The following CNTNAP1 variants were observed in gnomAD, a reference collection of about 807,000 sequenced individuals.
CNTNAP1 encodes contactin-associated protein 1.
Under a neutral mutation model 161.5 loss-of-function variants are expected in CNTNAP1, and 80 were observed. The ratio of observed to expected loss-of-function variants is 0.50; its 90% CI spans 0.41 to 0.60. CNTNAP1 has a LOEUF of 0.60. CNTNAP1 is among the 20% of genes least tolerant of loss of function. The pLI, the probability that CNTNAP1 is intolerant of heterozygous loss-of-function variation, is 0.00. For synonymous variants in CNTNAP1, 695 were observed against 733.1 expected (o/e 0.95, Z 0.84); for missense variants, 1,464 against 1,854.8 (o/e 0.79, Z 3.87).
intron 20 of CNTNAP1, among the ~76,000 whole-genome samples, 172 bp downstream of exon 20, chr17:42,696,324 A>AT (rs36083265): frequency 7.1e-5 from 9 of 127,582 alleles, no homozygotes; most frequent in East Asian, 2.3e-4. Flanking sequence ...GACAATAGGC[A>AT]TTTTTTTTTT....
rs768724234 is a variant in CNTNAP1, at chr17:42,687,717, T to C, written c.1045-3T>C. ...GTTGATGCGTCTTCACTTTTGCCCC[T>C]AGGGTAAGGTGGCTTTTCGTTGCCT... On this transcript the variant is annotated splice_region_variant and splice_polypyrimidine_tract_variant and intron_variant, in intron 7 of 23. Transcript: ENST00000264638. The surrounding 1 kb of genome is among the most constrained non-coding windows in gnomAD (Gnocchi z 4.7). The C allele has an allele frequency of 5.6e-6, 9 of 1,613,602 alleles. No individual in the cohort carries two copies. The highest frequency in any genetic ancestry group is 7.6e-6 in the Non-Finnish European group (9 of 1,179,714).
At position 42,687,259 on chromosome 17, in the gene CNTNAP1, T is replaced by A; in HGVS notation, c.1044+213T>A. The A allele has an allele frequency of 1.7e-6, 1 of 600,432 alleles. No individual in the cohort carries two copies. The highest frequency in any genetic ancestry group is 2.8e-6 in the Non-Finnish European group (1 of 351,772). 37.2% of individuals were successfully genotyped at this position (600,432 alleles called of 1,614,324 possible). A position where few individuals can be genotyped will look rare whatever the true frequency, so the allele number is the denominator to read the frequency against. ...AAGCAGTGGTCGGGTCCAATCACCT[T>A]CTTAGTTCATAGATGAAGAAAGTAA... On this transcript the variant is annotated intron_variant, in intron 7 of 23. Coordinates refer to ENST00000264638, the MANE Select transcript of CNTNAP1 (RefSeq NM_003632.3). The surrounding 1 kb of genome is among the most constrained non-coding windows in gnomAD (Gnocchi z 4.7).
In CNTNAP1 at chr17:42,687,072, G is replaced by C. The variant is rs1156468349; in HGVS notation, c.1044+26G>C. 1 of 1,600,800 alleles carries C rather than the reference G, an allele frequency of 6.2e-7. No individual in the cohort carries two copies. Among genetic ancestry groups the C allele is most frequent in the Non-Finnish European group, 8.5e-7 (1 of 1,169,816 alleles). ...GCCAGTGGGCAGGGGGGTCTGGGAG[G>C]ACAGGATATCAAAGCGTCGTGGAAA... is the stretch of plus-strand genomic sequence containing the variant. On this transcript the variant is annotated intron_variant, in intron 7 of 23. Transcript: ENST00000264638. The surrounding 1 kb of genome is among the most constrained non-coding windows in gnomAD (Gnocchi z 4.7).
rs1298303462 is a variant in CNTNAP1, at chr17:42,685,006, G to A, written c.379G>A (p.Val127Met). The change falls in exon 4 of 24, where the codon GTG (valine) becomes ATG (methionine). Residue 127 changes from valine to methionine, a missense_variant. Physicochemically the swap from Val to Met is conservative, Grantham distance 21. This residue lies in a region of CNTNAP1 where 1,383 missense variants were observed against 1,765.0 expected (regional missense o/e 0.78). Coordinates refer to ENST00000264638, the MANE Select transcript of CNTNAP1 (RefSeq NM_003632.3). This position sits in a 1 kb window ranked among gnomAD's most constrained non-coding sequence, Gnocchi z 5.0. Reference sequence around the variant, plus strand: ...ACCCCCGCAGACCTTCTTTGGTAACGTGAACGAGTCGGCGGTGGTGCGCCA... The same window carrying A: ...ACCCCCGCAGACCTTCTTTGGTAACATGAACGAGTCGGCGGTGGTGCGCCA... ...RGHNSTFFGN[V>M]NESAVVRHDL... 3.1e-6 allele frequency: 5 copies of A among 1,606,784 alleles called. No homozygotes were observed. Among genetic ancestry groups the A allele is most frequent in the Non-Finnish European group, 3.4e-6 (4 of 1,178,068 alleles).
At position 42,696,033 on chromosome 17, in the gene CNTNAP1, CA is replaced by C; in HGVS notation, c.3356del (p.Gln1119ArgfsTer15). 1 of 1,614,128 alleles carries C rather than the reference CA, an allele frequency of 6.2e-7. No individual in the cohort carries two copies. Among genetic ancestry groups the C allele is most frequent in the Non-Finnish European group, 8.5e-7 (1 of 1,180,014 alleles). On this transcript the variant is annotated frameshift_variant, in exon 20 of 24. Transcript: ENST00000264638. LOFTEE classifies it high-confidence loss of function. ...TTCTCCCCACCCCACAGGGACCCTT[CA>C]GCTGCGATATCAGCTGGGCACCAGT... is the stretch of plus-strand genomic sequence containing the variant. ...AVLIKDDGTL[Q>X]LRYQLGTSPY...
Position 42,687,588 on chromosome 17 carries a change from G to A in CNTNAP1, c.1045-132G>A. On this transcript the variant is annotated intron_variant, in intron 7 of 23. Coordinates refer to ENST00000264638, the MANE Select transcript of CNTNAP1 (RefSeq NM_003632.3). The surrounding 1 kb of genome is among the most constrained non-coding windows in gnomAD (Gnocchi z 4.7). ...CTTGGAGGGGAAGAGGTCACGTCAT[G>A]GTTGGAGATCTCACCCCCGCCAACA... is the stretch of plus-strand genomic sequence containing the variant. The A allele has an allele frequency of 8.2e-7, 1 of 1,220,634 alleles. No homozygotes were observed. The highest frequency in any genetic ancestry group is 1.2e-6 in the Non-Finnish European group (1 of 862,882). The allele number at this position is 1,220,634 out of a possible 1,614,324, so 75.6% of individuals were successfully genotyped here.
chr17:42,683,721 T>TG (rs2052967760), intron 1 of CNTNAP1, 100 bp from the exon 2 acceptor site: 106 of 1,203,540 alleles, frequency 8.8e-5, no homozygotes, highest in Middle Eastern at 2.2e-4. Flanking sequence ...GGGCGGGGGT[T>TG]GGGGGCACGG....
Position 42,685,470 on chromosome 17 carries a change from C to A in CNTNAP1, c.715+50C>A. On this transcript the variant is annotated intron_variant, in intron 5 of 23. Coordinates refer to ENST00000264638, the MANE Select transcript of CNTNAP1 (RefSeq NM_003632.3). This position sits in a 1 kb window ranked among gnomAD's most constrained non-coding sequence, Gnocchi z 5.0. ...GCGGAGCCAACCCCTGAAGCTCTCT[C>A]ACCGCCCTCCTCGTGGCACCTCCTC... 1 of 1,535,960 alleles carries A rather than the reference C, an allele frequency of 6.5e-7. No individual in the cohort carries two copies. Among genetic ancestry groups the A allele is most frequent in the Admixed American group, 1.8e-5 (1 of 55,548 alleles).
intron 3 of CNTNAP1, among the ~76,000 whole-genome samples, chr17:42,684,545 CA>C (rs2052980062): frequency 6.6e-6 from 1 of 152,070 alleles, no homozygotes; most frequent in Admixed American, 6.6e-5. Flanking sequence ...GCAAAGCCGC[CA>C]AGCAGGGAAG....
Position 42,687,080 on chromosome 17 carries a change from A to G in CNTNAP1, c.1044+34A>G, listed in dbSNP as rs370900562. On this transcript the variant is annotated intron_variant, in intron 7 of 23. Coordinates refer to ENST00000264638, the MANE Select transcript of CNTNAP1 (RefSeq NM_003632.3). This position sits in a 1 kb window ranked among gnomAD's most constrained non-coding sequence, Gnocchi z 4.7. Reference sequence around the variant, plus strand: ...GCAGGGGGGTCTGGGAGGACAGGATATCAAAGCGTCGTGGAAAGCAAAGAG... The same window carrying G: ...GCAGGGGGGTCTGGGAGGACAGGATGTCAAAGCGTCGTGGAAAGCAAAGAG... 76 of 1,594,766 alleles carry G rather than the reference A, an allele frequency of 4.8e-5. No individual in the cohort carries two copies. The highest frequency in any genetic ancestry group is 1.6e-4 in the African/African-American group (12 of 74,382).
At position 42,687,113 on chromosome 17, in the gene CNTNAP1, G is replaced by A. The variant is rs1312300582; in HGVS notation, c.1044+67G>A. On this transcript the variant is annotated intron_variant, in intron 7 of 23. Coordinates refer to ENST00000264638, the MANE Select transcript of CNTNAP1 (RefSeq NM_003632.3). The surrounding 1 kb of genome is among the most constrained non-coding windows in gnomAD (Gnocchi z 4.7). The stretch of plus-strand genomic sequence containing the variant: ...GTCGTGGAAAGCAAAGAGGTGGAGC[G>A]GGAAGAGATATTGAACATCAGATAA... 5 of 1,565,812 alleles carry A rather than the reference G, an allele frequency of 3.2e-6. No individual in the cohort carries two copies. In the African/African-American group the frequency reaches 4.1e-5, roughly 13 times the overall value.
Position 42,692,596 on chromosome 17 carries a change from C to T in CNTNAP1, c.2628C>T (p.His876=), listed in dbSNP as rs150783180. The change falls in exon 17 of 24, where the codon CAC becomes CAT. Residue 876 remains histidine (H), a synonymous_variant. Transcript: ENST00000264638. ...TTGAGTTCAATGATGACGAGTGGCA[C>T]CTGGTCCGGGCTGAAATCAACGTGA... ...DDFEFNDDEW[H]LVRAEINVKQ... is the part of the protein sequence containing the mutation. 3 of 1,614,082 alleles carry T rather than the reference C, an allele frequency of 1.9e-6. No individual in the cohort carries two copies. The African/African-American group carries it at 4.0e-5, about 22-fold the overall frequency.
At chr17:42,690,347 C>A in intron 12 of CNTNAP1, 140 bp downstream of exon 12, 1 of 1,079,648 alleles carries the variant, frequency 9.3e-7, no homozygotes, top group Non-Finnish European at 1.3e-6. Context: ...TGTAACCTAG[C>A]CTTAAAAGTA....
rs1306087846 is a variant in CNTNAP1, at chr17:42,695,788, G to C, written c.3260G>C (p.Ser1087Thr). The C allele has an allele frequency of 1.2e-6, 2 of 1,614,230 alleles. No individual in the cohort carries two copies. The highest frequency in any genetic ancestry group is 1.1e-5 in the South Asian group (1 of 91,092). ...GTTACGGGAGAGGAGGTCTCCTTCA[G>C]CTTCAGCACCAGCTCCGCCCCTGCT... ...YNVTGEEVSFSFSTSSAPAVL... is the reference protein window; with the variant it reads ...YNVTGEEVSFTFSTSSAPAVL... The change falls in exon 19 of 24, where the codon AGC (serine) becomes ACC (threonine). Residue 1087 changes from serine (S) to threonine (T), a missense_variant. By Grantham distance (58) the Ser-to-Thr change is moderately conservative (BLOSUM62 1). Around this residue, in one of 3 missense-constraint regions of CNTNAP1, gnomAD observed 1,383 missense variants for 1,765.0 expected, o/e 0.78. Transcript: ENST00000264638.
Position 42,687,760 on chromosome 17 carries a change from CT to C in CNTNAP1, c.1086del (p.Ile363SerfsTer50). ...CGTTGCCTGGACCCGGTACCGCACC[CT>C]ATCAACTTCGGAGGCCCTCACAACT... ...AFRCLDPVPH[P>X]INFGGPHNFV... On this transcript the variant is annotated frameshift_variant, in exon 8 of 24. Coordinates refer to ENST00000264638, the MANE Select transcript of CNTNAP1 (RefSeq NM_003632.3). LOFTEE classifies it high-confidence loss of function. The surrounding 1 kb of genome is among the most constrained non-coding windows in gnomAD (Gnocchi z 4.7). The C allele has an allele frequency of 6.2e-7, 1 of 1,614,210 alleles. No homozygotes were observed. Among genetic ancestry groups the C allele is most frequent in the Non-Finnish European group, 8.5e-7 (1 of 1,180,036 alleles).
chr17:42,688,760 A>G, intron 9 of CNTNAP1, 116 bp from the exon 10 acceptor site: 1 of 1,509,276 alleles, frequency 6.6e-7, no homozygotes, highest in African/African-American at 1.4e-5. Context: ...ATTGCCATCT[A>G]CACTTTGGTT....
chr17:42,685,412 T>G lies in CNTNAP1; in HGVS notation c.707T>G (p.Met236Arg). Reference protein sequence around the residue: ...ELEGAHLLLHMSLGSSPIQPR... With the variant: ...ELEGAHLLLHRSLGSSPIQPR... ...GAGGGGGCACACCTGCTGCTGCACA[T>G]GAGCCTGGGTGAGCTCGGCGACCAT... The change falls in exon 5 of 24, where the codon ATG (methionine) becomes AGG (arginine). Residue 236 changes from methionine (M) to arginine (R), a missense_variant. Around this residue, in one of 3 missense-constraint regions of CNTNAP1, gnomAD observed 1,383 missense variants for 1,765.0 expected, o/e 0.78. Transcript: ENST00000264638. This position sits in a 1 kb window ranked among gnomAD's most constrained non-coding sequence, Gnocchi z 5.0. The G allele has an allele frequency of 6.2e-7, 1 of 1,601,482 alleles. No homozygotes were observed. The highest frequency in any genetic ancestry group is 8.5e-7 in the Non-Finnish European group (1 of 1,179,450).
chr17:42,695,600 C>T lies in CNTNAP1; in HGVS notation c.3072C>T (p.Phe1024=). ...QSALRSAARE[F]SHMLSRPVPG... is the part of the protein sequence containing the mutation. Reference sequence around the variant, plus strand: ...CGCTGCGCTCTGCAGCCAGGGAGTTCTCCCACATGCTGAGCCGGCCAGTGC... The same window carrying T: ...CGCTGCGCTCTGCAGCCAGGGAGTTTTCCCACATGCTGAGCCGGCCAGTGC... Residue 1024 remains phenylalanine (F), a synonymous_variant, in exon 19 of 24, where the codon TTC becomes TTT. Transcript: ENST00000264638. 6.2e-7 allele frequency: 1 copy of T among 1,614,164 alleles called. No homozygotes were observed. The highest frequency in any genetic ancestry group is 8.5e-7 in the Non-Finnish European group (1 of 1,180,022).
In CNTNAP1 at chr17:42,688,958, T is replaced by C; in HGVS notation, c.1539T>C (p.Asp513=). ...FHGCMELLKV[D]GQLVNLTLVE... ...GCTGCATGGAGCTGCTCAAGGTGGA[T>C]GGTCAACTGGTCAACCTGACTCTGG... Residue 513 remains aspartate (D), a synonymous_variant, in exon 10 of 24, where the codon GAT becomes GAC. Transcript: ENST00000264638. The C allele has an allele frequency of 6.2e-7, 1 of 1,613,902 alleles. No individual in the cohort carries two copies. The highest frequency in any genetic ancestry group is 8.5e-7 in the Non-Finnish European group (1 of 1,179,926).
Sources: gnomAD v4.1 joint callset for allele counts (sites outside exome capture counted in the v4.1 genomes callset) on GRCh38, gnomAD v4.1.1 for gene constraint, gnomAD v4.1.1 regional missense constraint, Gnocchi (gnomAD v3.1) non-coding constraint, MANE v1.5 for transcripts, NCBI Gene and HGNC (gene_info 2026-07-23, HGNC 2026-07-21) for gene names.